The following PAM16 variants were observed in gnomAD, a reference collection of about 807,000 sequenced individuals.
The protein encoded by PAM16 is presequence translocase associated motor 16, also known as mitochondrial import inner membrane translocase subunit TIM16.
Under a neutral mutation model 17.9 loss-of-function variants are expected in PAM16, and 11 were observed. The observed-to-expected ratio is 0.62, with a 90% CI of 0.39 to 1.02. The LOEUF (loss-of-function observed/expected upper bound fraction) is 1.02. Ranked by LOEUF, PAM16 falls within the 50% of genes least tolerant of loss-of-function variation. PAM16 has a pLI of 0.01. For synonymous variants in PAM16, 72 were observed against 67.4 expected (o/e 1.07, Z -0.34); for missense variants, 199 against 165.4 (o/e 1.20, Z -1.11).
At chr16:4,343,347 T>A (rs891314994) in intron 1 of PAM16, 56 bp from the exon 2 acceptor site, 2 of 1,552,742 alleles carry the variant, frequency 1.3e-6, no homozygotes, top group African/African-American at 2.7e-5. Context: ...CCCACAGAGA[T>A]GGGCCCTGGA....
intron 1 of PAM16, among the ~76,000 whole-genome samples, chr16:4,350,307 TGTGTATATATATA>T (rs1307157992): frequency 1.3e-5 from 2 of 150,242 alleles, no homozygotes; most frequent in African/African-American, 4.9e-5. Context: ...TGTGTGTGTG[TGTGTATATATATA>T]TATAAAATAC....
At position 4,340,895 on chromosome 16, in the gene PAM16, C is replaced by A. The variant is rs113338335; in HGVS notation, c.291+25G>T. ...GAAGAAGGGGTCCCATGACTTCATT[C>A]CTCCCAGAATCAAAGACCACTCACC... On this transcript the variant is annotated intron_variant, in intron 4 of 4. Coordinates refer to ENST00000318059, the MANE Select transcript of PAM16 (RefSeq NM_016069.11). 2.5e-6 allele frequency: 4 copies of A among 1,613,080 alleles called. No individual in the cohort carries two copies. The African/African-American group carries it at 5.3e-5, about 22-fold the overall frequency.
chr16:4,349,129 G>C (rs920419501), intron 1 of PAM16, among the ~76,000 whole-genome samples: 1 of 151,596 alleles, frequency 6.6e-6, no homozygotes, highest in East Asian at 2.0e-4. Flanking sequence ...CTAATTTTTT[G>C]TATTTTTAGT....
At chr16:4,343,134 T>G (rs1279785636) in intron 2 of PAM16, 73 bp downstream of exon 2, 1 of 1,599,288 alleles carries the variant, frequency 6.3e-7, no homozygotes, top group Non-Finnish European at 8.6e-7. Context: ...AGGCCTGAGG[T>G]GCCCATGGCT....
Position 4,341,253 on chromosome 16 carries a change from C to T in PAM16, c.225+115G>A, listed in dbSNP as rs1028277070. On this transcript the variant is annotated intron_variant, in intron 3 of 4. Transcript: ENST00000318059. The stretch of plus-strand genomic sequence containing the variant: ...ACAGTGGCTCCCGAAAGTTGGAGTC[C>T]GAGCTGGGTGCAGCTGCAGCCTCCA... 25 of 1,464,134 alleles carry T rather than the reference C, an allele frequency of 1.7e-5. No individual in the cohort carries two copies. The East Asian group carries it at 1.7e-4, about 10-fold the overall frequency. 90.7% of individuals were successfully genotyped at this position (1,464,134 alleles called of 1,614,324 possible).
intron 1 of PAM16, chr16:4,343,986 C>A: frequency 2.5e-6 from 1 of 398,146 alleles, no homozygotes; most frequent in East Asian, 3.6e-5. Context: ...GAGCACAAAG[C>A]TACACAGAAC....
chr16:4,343,855 G>A (rs1482659055), intron 1 of PAM16: 1 of 400,174 alleles, frequency 2.5e-6, no homozygotes. Context: ...AGCCCACTAG[G>A]AGGGTATTTA....
chr16:4,345,836 G>A (rs921433252), intron 1 of PAM16: 1 of 985,178 alleles, frequency 1.0e-6, no homozygotes, highest in Non-Finnish European at 1.2e-6. Flanking sequence ...AGGAGGCTCA[G>A]GGATGGGATG....
At chr16:4,343,493 G>C in intron 1 of PAM16, 1 of 1,427,784 alleles carries the variant, frequency 7.0e-7, no homozygotes, top group Non-Finnish European at 9.1e-7. Flanking sequence ...TGGACAGGCA[G>C]GCAGGCGGGT....
intron 1 of PAM16, chr16:4,347,809 A>G (rs1028351226): frequency 3.3e-5 from 5 of 152,212 alleles, no homozygotes; most frequent in African/African-American, 1.2e-4. Context: ...CTTGGCATCC[A>G]ACTTCAGGCC....
chr16:4,344,214 C>CGTTCCGTGAAAGGAGGGG (rs2053698421), intron 1 of PAM16: 1 of 71,152 alleles, frequency 1.4e-5, no homozygotes, highest in African/African-American at 1.5e-4. Flanking sequence ...GAGAGGAGGG[C>CGTTCCGTGAAAGGAGGGG]GTTCCGTGAG....
At chr16:4,348,953 CTTTT>C (rs1219395068) in intron 1 of PAM16, among the ~76,000 whole-genome samples, 5 of 114,238 alleles carry the variant, frequency 4.4e-5, no homozygotes, top group Admixed American at 2.0e-4. Flanking sequence ...CTAGCACTTT[CTTTT>C]TTTTTTTTTT....
intron 1 of PAM16, chr16:4,344,044 C>G (rs1435263083): frequency 5.0e-6 from 2 of 397,902 alleles, no homozygotes; most frequent in Admixed American, 4.4e-5. Flanking sequence ...GGCAGGGAAC[C>G]CCACTGTCAC....
intron 1 of PAM16, chr16:4,345,214 T>G (rs2053737564): frequency 6.6e-6 from 1 of 152,160 alleles, no homozygotes. Context: ...CCTTTCTTCC[T>G]AGTGCTTTTC....
At position 4,340,323 on chromosome 16, in the gene PAM16, G is replaced by T. The variant is rs148571756; in HGVS notation, c.374C>A (p.Thr125Lys). The T allele has an allele frequency of 2.5e-6, 4 of 1,612,472 alleles. No homozygotes were observed. The South Asian group carries it at 4.4e-5, about 18-fold the overall frequency. The part of the protein sequence containing the change: ...EDREKGQMPH[T>K] ...TGGGCGGGGGGAGCCGAGCAGTCACGTATGGGGCATCTGCCCTTTTTCTCT... is the reference window on the plus strand; with the variant it reads ...TGGGCGGGGGGAGCCGAGCAGTCACTTATGGGGCATCTGCCCTTTTTCTCT... The change falls in exon 5 of 5, where the codon ACG (threonine) becomes AAG (lysine). Residue 125 changes from threonine (T) to lysine (K), a missense_variant. Transcript: ENST00000318059.
chr16:4,343,220 C>T lies in PAM16; in HGVS notation c.75G>A (p.Arg25=). 2 of 1,612,814 alleles carry T rather than the reference C, an allele frequency of 1.2e-6. No individual in the cohort carries two copies. Among genetic ancestry groups the T allele is most frequent in the Non-Finnish European group, 8.5e-7 (1 of 1,179,970 alleles). ...VVGRAFARAL[R]QEFAASRAAA... is the part of the protein sequence containing the mutation. ...ACCCATGCTTACCTGCAAACTCCTG[C>T]CGCAAGGCCCGTGCAAAGGCCCTGC... The change falls in exon 2 of 5, where the codon CGG becomes CGA. Residue 25 remains arginine (R), a synonymous_variant. Coordinates refer to ENST00000318059, the MANE Select transcript of PAM16 (RefSeq NM_016069.11).
chr16:4,343,443 CTGAA>C, intron 1 of PAM16, 152 bp from the exon 2 acceptor site: 2 of 1,438,240 alleles, frequency 1.4e-6, no homozygotes, highest in South Asian at 2.9e-5. Flanking sequence ...CCAAAGCACC[CTGAA>C]TGAAAGCTTC....
intron 1 of PAM16, 168 bp from the exon 2 acceptor site, chr16:4,343,459 A>G (rs751713880): frequency 2.1e-6 from 3 of 1,432,176 alleles, no homozygotes; most frequent in Non-Finnish European, 2.7e-6. Context: ...GAAAGCTTCC[A>G]TGGTGGGTGG....
chr16:4,343,104 A>G, intron 2 of PAM16, 103 bp downstream of exon 2: 2 of 1,490,680 alleles, frequency 1.3e-6, no homozygotes, highest in African/African-American at 1.4e-5. Flanking sequence ...GCCTCAGGCC[A>G]CGCACACTTC....
Sources: gnomAD v4.1 joint callset for allele counts (sites outside exome capture counted in the v4.1 genomes callset) on GRCh38, gnomAD v4.1.1 for gene constraint, MANE v1.5 for transcripts, NCBI Gene and HGNC (gene_info 2026-07-23, HGNC 2026-07-21) for gene names.